The following TSPAN9 variants were observed in gnomAD, a reference collection of about 807,000 sequenced individuals.
TSPAN9 encodes the protein tetraspanin-9.
In TSPAN9, 16 loss-of-function variants were observed where a neutral mutation model predicts 31.0. The ratio of observed to expected loss-of-function variants is 0.52; its 90% confidence interval spans 0.35 to 0.78. The LOEUF is 0.78. Among genes scored for constraint, TSPAN9 ranks in the 30% least tolerant of loss-of-function variants. The pLI is 0.01. For missense variants in TSPAN9, 272 were observed against 312.5 expected (o/e 0.87, Z 0.98); for synonymous variants, 145 against 121.6 (o/e 1.19, Z -1.27).
chr12:3,198,549 C>T (rs866979185), intron 2 of TSPAN9, among the ~76,000 whole-genome samples: 66 of 106,834 alleles, frequency 6.2e-4, no homozygotes, highest in African/African-American at 2.2e-3. Context: ...CCAGCACAGG[C>T]CACCACCAGC....
intron 3 of TSPAN9, among the ~76,000 whole-genome samples, chr12:3,218,343 C>T (rs374629883): frequency 6.6e-6 from 1 of 152,188 alleles, no homozygotes; most frequent in African/African-American, 2.4e-5. Flanking sequence ...GAGGCGTGTT[C>T]TCTGCTTTTA....
At chr12:3,171,172 C>G (rs1032979390) in intron 2 of TSPAN9, among the ~76,000 whole-genome samples, 4 of 152,104 alleles carry the variant, frequency 2.6e-5, no homozygotes, top group African/African-American at 7.2e-5. Context: ...TGCCCCTGCC[C>G]AGTCCTATCT....
At position 3,109,307 on chromosome 12, in the gene TSPAN9, A is replaced by AGAGAGAGTGT. The variant is rs560687812; in HGVS notation, c.-18+25589_-18+25590insAGAGAGTGTG. 6.1e-3 allele frequency among the ~76,000 whole-genome samples: 878 copies of AGAGAGAGTGT among 143,288 alleles called. 13 individuals are homozygous for AGAGAGAGTGT. The highest frequency in any genetic ancestry group is 0.023 in the African/African-American group (843 of 36,116). 94.0% of individuals were successfully genotyped at this position (143,288 alleles called of 152,430 possible). ...GTGTGTGTGTGTGTGTGTGAGAGAG[A>AGAGAGAGTGT]GTGTGTGTGTGTGTGTGTGTTTGTG... On this transcript the variant is annotated intron_variant, in intron 2 of 8. Transcript: ENST00000011898.
chr12:3,188,020 G>A (rs192147815), intron 2 of TSPAN9, among the ~76,000 whole-genome samples: 2 of 152,234 alleles, frequency 1.3e-5, no homozygotes, highest in Admixed American at 1.3e-4. Context: ...TGGGTGCTGG[G>A]GAACTCTGCA....
At chr12:3,263,741 A>G (rs12578221) in intron 3 of TSPAN9, among the ~76,000 whole-genome samples, 59,402 of 152,058 alleles carry the variant, frequency 0.39, 13,587 homozygotes, top group South Asian at 0.6. Flanking sequence ...CTAACAAGGC[A>G]GGAGAACGTT....
At position 3,174,793 on chromosome 12, in the gene TSPAN9, A is replaced by G. The variant is rs376711088; in HGVS notation, c.-17-26384A>G. ...GAGACGGGGTTTCACCGTGTTAGCC[A>G]GGATGGTCTCGATCTCCTGACCTCG... On this transcript the variant is annotated intron_variant, in intron 2 of 8. Transcript: ENST00000011898. 3.6e-3 allele frequency among the ~76,000 whole-genome samples: 535 copies of G among 149,396 alleles called. 7 individuals carry two copies. The East Asian group carries it at 0.053, about 15-fold the overall frequency.
At chr12:3,133,832 C>T (rs762008883) in intron 2 of TSPAN9, among the ~76,000 whole-genome samples, 3 of 152,164 alleles carry the variant, frequency 2.0e-5, no homozygotes, top group Non-Finnish European at 4.4e-5. Context: ...TTGGCATTAG[C>T]ATCACCTCTT....
At chr12:3,169,008 C>T (rs990475554) in intron 2 of TSPAN9, among the ~76,000 whole-genome samples, 5 of 152,210 alleles carry the variant, frequency 3.3e-5, no homozygotes, top group African/African-American at 9.6e-5. Flanking sequence ...CGTCATTTCT[C>T]TCCTCATTCC....
At chr12:3,102,914 CCACCCAACCTGCCCAT>C (rs1350373199) in intron 2 of TSPAN9, among the ~76,000 whole-genome samples, 1 of 152,220 alleles carries the variant, frequency 6.6e-6, no homozygotes, top group Non-Finnish European at 1.5e-5. Flanking sequence ...GGACAGTGTT[CCACCCAACCTGCCCAT>C]CTTTTGAATG....
chr12:3,186,971 C>T (rs1390230300), intron 2 of TSPAN9, among the ~76,000 whole-genome samples: 3 of 152,182 alleles, frequency 2.0e-5, no homozygotes, highest in Non-Finnish European at 2.9e-5. Context: ...GTAATTAGAA[C>T]ATTTGCCTGC....
chr12:3,226,775 TATATATATA>T (rs2098387886), intron 3 of TSPAN9, among the ~76,000 whole-genome samples: 2 of 6,164 alleles, frequency 3.2e-4, no homozygotes, highest in Admixed American at 1.9e-3. Context: ...TATATATATA[TATATATATA>T]TATATATATA....
chr12:3,268,647 G>A (rs1037541892), intron 3 of TSPAN9, among the ~76,000 whole-genome samples: 10 of 126,354 alleles, frequency 7.9e-5, no homozygotes, highest in Non-Finnish European at 9.9e-5. Flanking sequence ...CGTTCCTGCA[G>A]CCTGCCCTCC....
intron 3 of TSPAN9, among the ~76,000 whole-genome samples, chr12:3,251,557 T>G (rs1862244401): frequency 6.7e-6 from 1 of 149,248 alleles, no homozygotes. Context: ...TAAATTAAAG[T>G]CATTCACAAT....
intron 2 of TSPAN9, among the ~76,000 whole-genome samples, chr12:3,135,925 A>T (rs2098331919): frequency 6.6e-6 from 1 of 152,194 alleles, no homozygotes; most frequent in Non-Finnish European, 1.5e-5. Context: ...AGTTCCCACC[A>T]TTGGGAAAAT....
chr12:3,276,174 C>T (rs886249960), intron 3 of TSPAN9, among the ~76,000 whole-genome samples: 2 of 152,182 alleles, frequency 1.3e-5, no homozygotes, highest in African/African-American at 4.8e-5. Flanking sequence ...TCTTATTCCT[C>T]CACAAACCCA....
At chr12:3,258,039 G>A (rs533821318) in intron 3 of TSPAN9, among the ~76,000 whole-genome samples, 2 of 152,254 alleles carry the variant, frequency 1.3e-5, no homozygotes, top group South Asian at 4.1e-4. Flanking sequence ...GATAAACCTG[G>A]GGTCAGCTCA....
chr12:3,210,223 G>A (rs1271194588), intron 3 of TSPAN9, among the ~76,000 whole-genome samples: 4 of 152,122 alleles, frequency 2.6e-5, no homozygotes, highest in African/African-American at 4.8e-5. Context: ...ATATAGGAGT[G>A]TAATGGCACC....
chr12:3,103,456 G>A (rs2098312763), intron 2 of TSPAN9, among the ~76,000 whole-genome samples: 1 of 142,122 alleles, frequency 7.0e-6, no homozygotes, highest in Admixed American at 6.8e-5. Context: ...GCAGGCTCTA[G>A]GAACCAGGGA....
intron 2 of TSPAN9, among the ~76,000 whole-genome samples, chr12:3,185,301 T>C (rs2098360611): frequency 6.6e-6 from 1 of 152,138 alleles, no homozygotes; most frequent in South Asian, 2.1e-4. Context: ...TTGGTATCTG[T>C]CTCATGTTGT....
Sources: allele counts gnomAD v4.1 joint callset (sites outside exome capture counted in the v4.1 genomes callset), GRCh38; gene constraint gnomAD v4.1.1; transcripts MANE v1.5; gene names NCBI Gene and HGNC (gene_info 2026-07-23, HGNC 2026-07-21).